NRXN3: variants seen among roughly 807,000 people sequenced by gnomAD.
The protein encoded by NRXN3 is neurexin 3.
NRXN3 carries 32 observed loss-of-function variants against 137.6 expected under a neutral mutation model. That is an observed-to-expected ratio of 0.23 (90% CI 0.18 to 0.31). The LOEUF is 0.31. Ranked by LOEUF, NRXN3 falls within the 10% of genes least tolerant of loss-of-function variation. The pLI, the probability that NRXN3 is intolerant of heterozygous loss-of-function variation, is 1.00. For missense variants in NRXN3, 1,574 were observed against 2,062.5 expected, an observed-to-expected ratio of 0.76 and a Z score of 4.59; for synonymous variants, 798 against 784.5, an observed-to-expected ratio of 1.02 and a Z score of -0.29.
At chr14:78,769,310 G>T (rs1420089697) in intron 8 of NRXN3, among the ~76,000 whole-genome samples, 1 of 152,168 alleles carries the variant, frequency 6.6e-6, no homozygotes, top group Non-Finnish European at 1.5e-5. Context: ...TTCCTGTAAG[G>T]AAATTAAAAT....
intron 4 of NRXN3, among the ~76,000 whole-genome samples, chr14:78,569,334 C>T (rs7143489): frequency 0.013 from 1,960 of 149,882 alleles, 41 homozygotes; most frequent in African/African-American, 0.045. Context: ...AGCGTGGTCT[C>T]GGCTCACTGC....
intron 4 of NRXN3, among the ~76,000 whole-genome samples, chr14:78,310,101 G>A (rs2077794991): frequency 6.6e-6 from 1 of 152,044 alleles, no homozygotes; most frequent in Non-Finnish European, 1.5e-5. Flanking sequence ...GAGAATGGCT[G>A]CTTAACTCTA....
At chr14:79,070,893 G>C (rs1405868818) in intron 15 of NRXN3, among the ~76,000 whole-genome samples, 1 of 152,224 alleles carries the variant, frequency 6.6e-6, no homozygotes, top group East Asian at 1.9e-4. Flanking sequence ...GACATGTTGG[G>C]GGTGATTCTG....
At chr14:78,488,373 C>G (rs954998117) in intron 4 of NRXN3, among the ~76,000 whole-genome samples, 14 of 152,114 alleles carry the variant, frequency 9.2e-5, no homozygotes, top group African/African-American at 3.4e-4. Flanking sequence ...ATGATAAAAA[C>G]AAAACACTTG....
chr14:78,630,966 A>G (rs1170187193), intron 4 of NRXN3, among the ~76,000 whole-genome samples: 1 of 152,182 alleles, frequency 6.6e-6, no homozygotes, highest in Non-Finnish European at 1.5e-5. Flanking sequence ...TTGGGGATCA[A>G]TAGTTGAAAT....
At chr14:79,423,278 G>A (rs534732988) in intron 15 of NRXN3, among the ~76,000 whole-genome samples, 1 of 152,226 alleles carries the variant, frequency 6.6e-6, no homozygotes, top group Non-Finnish European at 1.5e-5. Flanking sequence ...ATTTGCCATA[G>A]AAATAGGAAT....
chr14:78,891,477 G>A (rs528055215), intron 10 of NRXN3, among the ~76,000 whole-genome samples: 10 of 151,922 alleles, frequency 6.6e-5, no homozygotes, highest in South Asian at 6.2e-4. Flanking sequence ...CTACAGTGAC[G>A]TCAGGGAGCT....
intron 10 of NRXN3, among the ~76,000 whole-genome samples, chr14:78,952,841 T>A (rs1008992890): frequency 6.6e-6 from 1 of 152,128 alleles, no homozygotes; most frequent in Non-Finnish European, 1.5e-5. Flanking sequence ...ATGATACAGA[T>A]CTCACCCCCT....
chr14:79,385,364 C>T (rs1370116348), intron 15 of NRXN3, among the ~76,000 whole-genome samples: 1 of 151,656 alleles, frequency 6.6e-6, no homozygotes, highest in Non-Finnish European at 1.5e-5. Flanking sequence ...CCAATTTCAT[C>T]CATGTCCCTA....
At chr14:79,712,780 T>A (rs547866382) in intron 19 of NRXN3, among the ~76,000 whole-genome samples, 2 of 152,304 alleles carry the variant, frequency 1.3e-5, no homozygotes, top group African/African-American at 4.8e-5. Context: ...CCTGCTTTAG[T>A]CTGGGCTGGG....
intron 15 of NRXN3, among the ~76,000 whole-genome samples, chr14:79,142,271 C>G (rs555559611): frequency 6.6e-5 from 10 of 152,046 alleles, no homozygotes; most frequent in Middle Eastern, 3.4e-3. Context: ...ACTAAAAATA[C>G]AAAAAGTAGC....
chr14:79,131,819 C>G (rs2057526585), intron 15 of NRXN3, among the ~76,000 whole-genome samples: 3 of 152,210 alleles, frequency 2.0e-5, no homozygotes, highest in Non-Finnish European at 4.4e-5. Flanking sequence ...GCTGTGCTAG[C>G]AATCAGAGAG....
chr14:79,323,095 G>A (rs563329793), intron 15 of NRXN3, among the ~76,000 whole-genome samples: 66 of 152,178 alleles, frequency 4.3e-4, no homozygotes, highest in Non-Finnish European at 2.2e-4. Flanking sequence ...GGGCAGTGGC[G>A]CAATCATAGC....
At chr14:79,371,989 A>G (rs946748917) in intron 15 of NRXN3, among the ~76,000 whole-genome samples, 1 of 152,206 alleles carries the variant, frequency 6.6e-6, no homozygotes, top group African/African-American at 2.4e-5. Context: ...AGTCTGCCAA[A>G]TATCTTTTCT....
At chr14:78,437,384 T>C (rs1474520595) in intron 4 of NRXN3, among the ~76,000 whole-genome samples, 1 of 151,888 alleles carries the variant, frequency 6.6e-6, no homozygotes, top group Non-Finnish European at 1.5e-5. Flanking sequence ...AGTCTCACTC[T>C]GTTGCCCAGG....
At chr14:78,756,443 G>A (rs1339074990) in intron 8 of NRXN3, among the ~76,000 whole-genome samples, 4 of 151,486 alleles carry the variant, frequency 2.6e-5, no homozygotes, top group Non-Finnish European at 5.9e-5. Flanking sequence ...AGCCAAGATC[G>A]TGCCACTGTA....
chr14:79,024,219 A>C (rs2099594535), intron 15 of NRXN3, among the ~76,000 whole-genome samples: 1 of 152,048 alleles, frequency 6.6e-6, no homozygotes, highest in Non-Finnish European at 1.5e-5. Flanking sequence ...CCACTGAAAC[A>C]CCATATTCTA....
chr14:79,046,392 A>C (rs941742862), intron 15 of NRXN3, among the ~76,000 whole-genome samples: 1 of 152,238 alleles, frequency 6.6e-6, no homozygotes, highest in Non-Finnish European at 1.5e-5. Flanking sequence ...AGCTCATATC[A>C]GCAAGGAGTA....
chr14:79,099,261 G>A (rs2050860636), intron 15 of NRXN3, among the ~76,000 whole-genome samples: 1 of 152,118 alleles, frequency 6.6e-6, no homozygotes, highest in South Asian at 2.1e-4. Flanking sequence ...TTGAGTAACT[G>A]TCATTTCTTT....
Sources: gnomAD v4.1 joint callset for allele counts (sites outside exome capture counted in the v4.1 genomes callset) on GRCh38, gnomAD v4.1.1 for gene constraint, MANE v1.5 for transcripts, NCBI Gene and HGNC (gene_info 2026-07-23, HGNC 2026-07-21) for gene names.